The following EYS variants were observed in gnomAD, a reference collection of about 807,000 sequenced individuals.
EYS encodes protein eyes shut homolog.
In EYS, 250 loss-of-function variants were observed where a neutral mutation model predicts 282.1. The observed-to-expected ratio is 0.89, with a 90% CI of 0.80 to 0.98. The LOEUF is 0.98. Ranked by LOEUF, EYS falls within the 50% of genes least tolerant of loss-of-function variation. The pLI is 0.00. For synonymous variants in EYS, 1,355 were observed against 1,282.9 expected, an observed-to-expected ratio of 1.06 and a Z score of -1.20; for missense variants, 4,016 against 3,709.0, an observed-to-expected ratio of 1.08 and a Z score of -2.15.
At chr6:65,429,352 T>G (rs1246782339) in intron 5 of EYS, among the ~76,000 whole-genome samples, 1 of 152,158 alleles carries the variant, frequency 6.6e-6, no homozygotes, top group Non-Finnish European at 1.5e-5. Flanking sequence ...CCTCTGGGAT[T>G]CTTCCACTTG....
rs115163534 is a variant in EYS, at chr6:64,145,294, G to A, written c.6425-63292C>T. Among the ~76,000 whole-genome samples, 445 of 152,240 alleles carry A rather than the reference G, an allele frequency of 2.9e-3. 3 individuals carry two copies. Among genetic ancestry groups the A allele is most frequent in the African/African-American group, 0.01 (425 of 41,544 alleles). ...ACTGACAAACATTCACTAATTAGAA[G>A]AAAGACTAATCTGAAATGCACACAA... On this transcript the variant is annotated intron_variant, in intron 31 of 42. Transcript: ENST00000503581.
chr6:64,703,072 C>G (rs1770844753), intron 22 of EYS, among the ~76,000 whole-genome samples: 1 of 151,672 alleles, frequency 6.6e-6, no homozygotes, highest in African/African-American at 2.4e-5. Flanking sequence ...TAATCACAAG[C>G]TAAGAGTAAA....
intron 12 of EYS, among the ~76,000 whole-genome samples, chr6:65,113,876 T>G (rs1176458783): frequency 6.6e-6 from 1 of 152,008 alleles, no homozygotes; most frequent in Non-Finnish European, 1.5e-5. Context: ...CTAAAATCAG[T>G]CTTTTCTAAA....
At chr6:63,967,958 A>G (rs1177784490) in intron 35 of EYS, among the ~76,000 whole-genome samples, 3 of 152,202 alleles carry the variant, frequency 2.0e-5, no homozygotes, top group Non-Finnish European at 4.4e-5. Flanking sequence ...GCTTTTAAGC[A>G]GCAGAGTAAG....
At chr6:64,552,956 C>A (rs1765131435) in intron 26 of EYS, among the ~76,000 whole-genome samples, 1 of 106,826 alleles carries the variant, frequency 9.4e-6, no homozygotes, top group South Asian at 3.3e-4. Flanking sequence ...AAAAGAAAAT[C>A]TTTGAATTCA....
chr6:64,961,662 A>G lies in EYS; in HGVS notation c.2260-15748T>C, dbSNP rs1414502501. ...AATGGAATAAGTCCAGAGGGAATTTATAAGGCATTTTCATGTATTCTATTC... is the reference window on the plus strand; with the variant it reads ...AATGGAATAAGTCCAGAGGGAATTTGTAAGGCATTTTCATGTATTCTATTC... On this transcript the variant is annotated intron_variant, in intron 14 of 42. Coordinates refer to ENST00000503581, the MANE Select transcript of EYS (RefSeq NM_001142800.2). 2.0e-5 allele frequency among the ~76,000 whole-genome samples: 3 copies of G among 152,224 alleles called. No homozygotes were observed. In the East Asian group the frequency reaches 5.8e-4, roughly 29 times the overall value.
intron 31 of EYS, among the ~76,000 whole-genome samples, chr6:64,101,573 TTTTG>T (rs1289731001): frequency 6.6e-6 from 1 of 151,676 alleles, no homozygotes; most frequent in Non-Finnish European, 1.5e-5. Flanking sequence ...AAAAAAATGA[TTTTG>T]TTTGTTAGGT....
chr6:64,438,829 G>GA (rs1246451801), intron 27 of EYS, among the ~76,000 whole-genome samples: 1 of 151,328 alleles, frequency 6.6e-6, no homozygotes, highest in Non-Finnish European at 1.5e-5. Context: ...ATATTTTCCA[G>GA]AAAAAATAGA....
At chr6:65,171,621 C>G (rs1241379894) in intron 12 of EYS, among the ~76,000 whole-genome samples, 2 of 151,324 alleles carry the variant, frequency 1.3e-5, no homozygotes, top group Non-Finnish European at 3.0e-5. Flanking sequence ...CTGGTGATGA[C>G]AACAGTTCAC....
At chr6:64,752,317 C>T (rs1326037764) in intron 22 of EYS, among the ~76,000 whole-genome samples, 1 of 151,624 alleles carries the variant, frequency 6.6e-6, no homozygotes, top group African/African-American at 2.4e-5. Flanking sequence ...AAAAAATAAA[C>T]AAACATAACT....
At chr6:64,585,346 A>G (rs1470949189) in intron 26 of EYS, among the ~76,000 whole-genome samples, 1 of 152,082 alleles carries the variant, frequency 6.6e-6, no homozygotes, top group Non-Finnish European at 1.5e-5. Context: ...GTAGGGGTTG[A>G]AATACCTACC....
chr6:65,215,133 T>G lies in EYS; in HGVS notation c.2023+80730A>C, dbSNP rs181113293. Among the ~76,000 whole-genome samples, 9 of 152,286 alleles carry G rather than the reference T, an allele frequency of 5.9e-5. No homozygotes were observed. The East Asian group carries it at 1.5e-3, about 26-fold the overall frequency. ...AAGGAGTAATTATAACTTTCAATAT[T>G]ATTAAGAAATACATTTTATAAGGCT... On this transcript the variant is annotated intron_variant, in intron 12 of 42. Transcript: ENST00000503581.
intron 31 of EYS, among the ~76,000 whole-genome samples, chr6:64,223,984 T>G (rs1582449784): frequency 6.6e-6 from 1 of 152,174 alleles, no homozygotes; most frequent in East Asian, 1.9e-4. Context: ...CATGGTCAAG[T>G]TTTACTGCAT....
intron 22 of EYS, among the ~76,000 whole-genome samples, chr6:64,714,977 A>G (rs1484649855): frequency 6.6e-6 from 1 of 152,088 alleles, no homozygotes; most frequent in African/African-American, 2.4e-5. Context: ...TAGATGTGTT[A>G]ATATGTAGGT....
intron 31 of EYS, among the ~76,000 whole-genome samples, chr6:64,153,238 A>G (rs1186534644): frequency 4.6e-5 from 7 of 152,010 alleles, no homozygotes; most frequent in Admixed American, 1.3e-4. Context: ...GCACATAAAC[A>G]GGAAAAAAAT....
intron 5 of EYS, among the ~76,000 whole-genome samples, chr6:65,443,276 A>G (rs942563980): frequency 3.3e-5 from 5 of 151,066 alleles, no homozygotes; most frequent in African/African-American, 9.7e-5. Flanking sequence ...ACATATAGAC[A>G]TGTATGCATG....
At chr6:65,650,213 A>G (rs1767605339) in intron 1 of EYS, among the ~76,000 whole-genome samples, 1 of 152,172 alleles carries the variant, frequency 6.6e-6, no homozygotes, top group Admixed American at 6.5e-5. Flanking sequence ...TCTATACCAT[A>G]TAATACTTTA....
intron 12 of EYS, among the ~76,000 whole-genome samples, chr6:65,156,475 C>T (rs1764733368): frequency 6.6e-6 from 1 of 151,126 alleles, no homozygotes; most frequent in Non-Finnish European, 1.5e-5. Context: ...TCCCTTTCCT[C>T]CTAAAATTTC....
chr6:64,577,265 T>C (rs1407196765), intron 26 of EYS, among the ~76,000 whole-genome samples: 1 of 152,100 alleles, frequency 6.6e-6, no homozygotes, highest in East Asian at 1.9e-4. Flanking sequence ...ATATGTTACA[T>C]TGTTCATCAA....
Sources: allele counts gnomAD v4.1 joint callset (sites outside exome capture counted in the v4.1 genomes callset), GRCh38; gene constraint gnomAD v4.1.1; transcripts MANE v1.5; gene names NCBI Gene and HGNC (gene_info 2026-07-23, HGNC 2026-07-21).